The following CFAP299 variants were observed in gnomAD, a reference collection of about 807,000 sequenced individuals.
CFAP299 encodes cilia and flagella associated protein 299.
Under a neutral mutation model 27.0 loss-of-function variants are expected in CFAP299, and 21 were observed. The ratio of observed to expected loss-of-function variants is 0.78; its 90% confidence interval spans 0.55 to 1.12. The LOEUF is 1.12. Ranked by LOEUF, CFAP299 falls within the 50% of genes most tolerant of loss-of-function variation. The pLI, the probability that CFAP299 is intolerant of heterozygous loss-of-function variation, is 0.00. For synonymous variants in CFAP299, 104 were observed against 98.1 expected, an observed-to-expected ratio of 1.06 and a Z score of -0.36; for missense variants, 310 against 276.6, an observed-to-expected ratio of 1.12 and a Z score of -0.86.
In CFAP299 at chr4:80,952,097, C is replaced by T. The variant is rs568589078; in HGVS notation, c.606+7158C>T. On this transcript the variant is annotated intron_variant, in intron 5 of 5. Coordinates refer to ENST00000358105, the MANE Select transcript of CFAP299 (RefSeq NM_152770.3). ...AGTTTGCCTAGAGGCTCAAATGAAACAATACACATGACAGAAACTTGTAAA... is the reference window on the plus strand; with the variant it reads ...AGTTTGCCTAGAGGCTCAAATGAAATAATACACATGACAGAAACTTGTAAA... 1.5e-4 allele frequency among the ~76,000 whole-genome samples: 23 copies of T among 152,214 alleles called. No homozygotes were observed. The South Asian group carries it at 4.6e-3, about 30-fold the overall frequency.
intron 2 of CFAP299, among the ~76,000 whole-genome samples, chr4:80,401,349 A>G (rs954799698): frequency 1.3e-5 from 2 of 152,138 alleles, no homozygotes; most frequent in Non-Finnish European, 2.9e-5. Context: ...TTCAGGAGGT[A>G]AAAATGGTTT....
At chr4:80,813,203 CAT>C (rs996205300) in intron 3 of CFAP299, among the ~76,000 whole-genome samples, 2 of 151,958 alleles carry the variant, frequency 1.3e-5, no homozygotes, top group African/African-American at 2.4e-5. Flanking sequence ...TGAAAACACA[CAT>C]ATTTGCACAG....
upstream of CFAP299, among the ~76,000 whole-genome samples, chr4:80,334,876 A>G (rs1578324482): frequency 6.6e-6 from 1 of 152,218 alleles, no homozygotes; most frequent in East Asian, 1.9e-4. Context: ...AAAATCTTCA[A>G]GATGAATTAG....
chr4:80,870,692 C>G, intron 4 of CFAP299: 1 of 985,440 alleles, frequency 1.0e-6, no homozygotes, highest in Non-Finnish European at 1.2e-6. Context: ...TTCTTCTACT[C>G]CCTTCTAAAT....
chr4:80,740,199 A>G (rs1352373701), intron 3 of CFAP299, among the ~76,000 whole-genome samples: 1 of 152,116 alleles, frequency 6.6e-6, no homozygotes, highest in East Asian at 1.9e-4. Flanking sequence ...GTTTTTCTGT[A>G]TGGTGTTGAC....
intron 3 of CFAP299, among the ~76,000 whole-genome samples, chr4:80,833,505 G>A (rs1730407441): frequency 6.6e-6 from 1 of 152,034 alleles, no homozygotes; most frequent in Admixed American, 6.6e-5. Flanking sequence ...GAAATGAGGA[G>A]GGAAGAAGAG....
rs370161587 is a variant in CFAP299 at position 80,340,846 on chromosome 4, G to T, written c.111+4967G>T. 1.4e-3 allele frequency among the ~76,000 whole-genome samples: 217 copies of T among 152,024 alleles called. 1 individual carries two copies. The South Asian group carries it at 0.026, about 19-fold the overall frequency. On this transcript the variant is annotated intron_variant, in intron 1 of 5. Transcript: ENST00000358105. ...GCTGGAGTGCAATGGTGCGATCTCG[G>T]CTCACAGCAACCTCCGCCTCTCAGG...
intron 3 of CFAP299, among the ~76,000 whole-genome samples, chr4:80,764,187 T>A (rs183709554): frequency 1.4e-4 from 22 of 152,004 alleles, no homozygotes; most frequent in Middle Eastern, 3.4e-3. Flanking sequence ...GGTAGAAAAA[T>A]TTTATAATCT....
intron 2 of CFAP299, among the ~76,000 whole-genome samples, chr4:80,390,920 C>CATATATGCAT (rs1398276682): frequency 7.4e-4 from 82 of 111,342 alleles, no homozygotes; most frequent in African/African-American, 2.6e-3. Context: ...TATATACACA[C>CATATATGCAT]ATATGTATAT....
chr4:80,710,638 A>G (rs891837610), intron 3 of CFAP299, among the ~76,000 whole-genome samples: 1 of 151,466 alleles, frequency 6.6e-6, no homozygotes, highest in Non-Finnish European at 1.5e-5. Context: ...CTTTAGAGGA[A>G]GCGTACATTC....
intron 2 of CFAP299, among the ~76,000 whole-genome samples, chr4:80,480,338 T>C (rs984489732): frequency 1.2e-4 from 18 of 151,766 alleles, no homozygotes; most frequent in Non-Finnish European, 2.1e-4. Context: ...CCAGAAGTGG[T>C]TTAGGAGCTC....
At chr4:80,959,072 A>T (rs1321097515) in intron 5 of CFAP299, among the ~76,000 whole-genome samples, 1 of 152,162 alleles carries the variant, frequency 6.6e-6, no homozygotes, top group Non-Finnish European at 1.5e-5. Context: ...AAGGAAATTT[A>T]GTTCTTTTTG....
At chr4:80,775,820 C>G (rs1726504449) in intron 3 of CFAP299, among the ~76,000 whole-genome samples, 1 of 152,070 alleles carries the variant, frequency 6.6e-6, no homozygotes. Flanking sequence ...AGACATGAGT[C>G]TTTGTTTTCT....
intron 2 of CFAP299, among the ~76,000 whole-genome samples, chr4:80,432,342 G>A (rs539166304): frequency 4.6e-5 from 7 of 151,876 alleles, no homozygotes; most frequent in African/African-American, 7.2e-5. Context: ...TAGTAGAGAC[G>A]GGGTTTCACC....
intron 4 of CFAP299, chr4:80,870,810 T>G: frequency 1.0e-6 from 1 of 985,150 alleles, no homozygotes; most frequent in Non-Finnish European, 1.2e-6. Flanking sequence ...GATCATTATT[T>G]GATGATTATA....
chr4:80,471,278 C>T (rs1321884751), intron 2 of CFAP299, among the ~76,000 whole-genome samples: 1 of 151,786 alleles, frequency 6.6e-6, no homozygotes, highest in Non-Finnish European at 1.5e-5. Context: ...AATTAACTCC[C>T]CTCAAACAAA....
chr4:80,396,871 T>A (rs889676972), intron 2 of CFAP299, among the ~76,000 whole-genome samples: 5 of 152,334 alleles, frequency 3.3e-5, no homozygotes, highest in Non-Finnish European at 5.9e-5. Flanking sequence ...CAGGCTTTGG[T>A]GTCAGGATGA....
intron 2 of CFAP299, among the ~76,000 whole-genome samples, chr4:80,529,957 T>A (rs1578559146): frequency 6.6e-6 from 1 of 152,192 alleles, no homozygotes; most frequent in East Asian, 1.9e-4. Context: ...AATCTCTTGT[T>A]ATAAAAACAG....
At chr4:80,961,745 A>G (rs1738352915) in intron 5 of CFAP299, among the ~76,000 whole-genome samples, 1 of 151,950 alleles carries the variant, frequency 6.6e-6, no homozygotes, top group African/African-American at 2.4e-5. Flanking sequence ...ATATCAAAGC[A>G]TTGTACTTTT....
Sources: gnomAD v4.1 joint callset for allele counts (sites outside exome capture counted in the v4.1 genomes callset) on GRCh38, gnomAD v4.1.1 for gene constraint, MANE v1.5 for transcripts, NCBI Gene and HGNC (gene_info 2026-07-23, HGNC 2026-07-21) for gene names.